CDH23: variants seen among roughly 807,000 people sequenced by gnomAD.
The protein encoded by CDH23 is cadherin-23.
In CDH23, 189 loss-of-function variants were observed where a neutral mutation model predicts 317.1. The observed-to-expected ratio is 0.60, with a 90% confidence interval of 0.53 to 0.67. The LOEUF (loss-of-function observed/expected upper bound fraction) is 0.67, where lower values mean the gene tolerates loss of function less well. CDH23 is among the 30% of genes least tolerant of loss of function. CDH23 has a pLI of 0.00. For synonymous variants in CDH23, 1,839 were observed against 1,876.8 expected (o/e 0.98, Z 0.52); for missense variants, 4,401 against 4,592.4 (o/e 0.96, Z 1.20).
chr10:71,415,082 A>G (rs1848481976), intron 1 of CDH23, among the ~76,000 whole-genome samples: 2 of 151,978 alleles, frequency 1.3e-5, no homozygotes, highest in Admixed American at 6.6e-5. Flanking sequence ...GGTAACTTGT[A>G]TCTTCTCTTT....
At chr10:71,472,447 T>TC (rs1851566356) in intron 3 of CDH23, among the ~76,000 whole-genome samples, 1 of 152,184 alleles carries the variant, frequency 6.6e-6, no homozygotes, top group South Asian at 2.1e-4. Flanking sequence ...CCACGTTAAA[T>TC]CCCCTCTCTT....
rs376497158 is a variant in CDH23, at chr10:71,810,507, G to T, written c.9015G>T (p.Ala3005=). The change falls in exon 62 of 70, where the codon GCG becomes GCT. Residue 3005 remains alanine, a synonymous_variant. Coordinates refer to ENST00000224721, the MANE Select transcript of CDH23 (RefSeq NM_022124.6). ...HVDKKGRVNF[A]QTELLIHVVN... is the part of the protein sequence containing the mutation. Reference sequence around the variant, plus strand: ...ACAAGAAGGGCCGGGTGAACTTTGCGCAGACAGAACTGCTTATCCACGTGG... The same window carrying T: ...ACAAGAAGGGCCGGGTGAACTTTGCTCAGACAGAACTGCTTATCCACGTGG... 4 of 1,613,988 alleles carry T rather than the reference G, an allele frequency of 2.5e-6. No homozygotes were observed. The East Asian group carries it at 8.9e-5, about 36-fold the overall frequency.
At chr10:71,725,302 A>G in intron 29 of CDH23, 70 bp from the exon 30 acceptor site, 1 of 1,607,212 alleles carries the variant, frequency 6.2e-7, no homozygotes, top group East Asian at 2.2e-5. Context: ...GCCCCCAACC[A>G]TGGCAGGCCA....
intron 41 of CDH23, among the ~76,000 whole-genome samples, chr10:71,783,594 C>A (rs1405232542): frequency 6.6e-6 from 1 of 152,226 alleles, no homozygotes; most frequent in Non-Finnish European, 1.5e-5. Context: ...AGACATCGGG[C>A]CCTGCAGCCC....
At chr10:71,647,460 CTCA>C (rs1862949316) in intron 14 of CDH23, among the ~76,000 whole-genome samples, 1 of 37,250 alleles carries the variant, frequency 2.7e-5, no homozygotes, top group African/African-American at 1.1e-4. Context: ...CAGATTCTGT[CTCA>C]AAAAAAAAAA....
At chr10:71,575,721 G>C (rs560582490) in intron 8 of CDH23, among the ~76,000 whole-genome samples, 2 of 152,174 alleles carry the variant, frequency 1.3e-5, no homozygotes, top group Non-Finnish European at 2.9e-5. Flanking sequence ...GGTCGGCTCC[G>C]GGCCGAGCAC....
At chr10:71,587,988 G>A (rs1487883990) in intron 9 of CDH23, among the ~76,000 whole-genome samples, 1 of 152,212 alleles carries the variant, frequency 6.6e-6, no homozygotes, top group Non-Finnish European at 1.5e-5. Flanking sequence ...ACACCCACAA[G>A]TCCACATTGC....
intron 38 of CDH23, among the ~76,000 whole-genome samples, chr10:71,775,698 G>C (rs1000646177): frequency 2.0e-5 from 3 of 151,996 alleles, no homozygotes; most frequent in Non-Finnish European, 2.9e-5. Flanking sequence ...AGAGCAGGAG[G>C]GGCTCCAAGG....
chr10:71,785,857 C>T (rs1290522548), intron 44 of CDH23, 119 bp downstream of exon 44: 4 of 720,638 alleles, frequency 5.6e-6, no homozygotes, highest in East Asian at 5.4e-5. Flanking sequence ...TTGGAGTGAG[C>T]ACGTGCTGGC....
rs780514498 is a variant in CDH23 at position 71,811,412 on chromosome 10, C to A, written c.9175C>A (p.Pro3059Thr). 23 of 1,613,978 alleles carry A rather than the reference C, an allele frequency of 1.4e-5. No individual in the cohort carries two copies. In the South Asian group the frequency reaches 2.5e-4, roughly 18 times the overall value. ...DVQPAISVRL[P>T]DDMSALQMAI... ...GCAGCCTGCCATCTCTGTCCGGCTG[C>A]CGGATGACATGTCTGCCCTGCAGGT... is the stretch of plus-strand genomic sequence containing the variant. The change falls in exon 63 of 70, where the codon CCG (proline) becomes ACG (threonine). Residue 3059 changes from proline to threonine, a missense_variant. By Grantham distance (38) the Pro-to-Thr change is conservative (BLOSUM62 -1). Around this residue, in one of 3 missense-constraint regions of CDH23, gnomAD observed 1,144 missense variants for 1,138.2 expected, o/e 1.01. Transcript: ENST00000224721.
chr10:71,753,139 C>A, intron 38 of CDH23: 4 of 982,872 alleles, frequency 4.1e-6, no homozygotes, highest in Non-Finnish European at 5.8e-6. Flanking sequence ...GACTCCATTT[C>A]TTTTCACATG....
intron 35 of CDH23, among the ~76,000 whole-genome samples, chr10:71,739,295 A>G (rs548779031): frequency 1.1e-4 from 17 of 152,224 alleles, no homozygotes; most frequent in African/African-American, 3.6e-4. Context: ...GTAAGAACCA[A>G]GTAGAGTCCA....
intron 38 of CDH23, among the ~76,000 whole-genome samples, chr10:71,764,312 A>T (rs1486363659): frequency 1.3e-5 from 2 of 152,200 alleles, no homozygotes; most frequent in Admixed American, 6.5e-5. Context: ...GAAGAAACTA[A>T]GGCACAGAGA....
At chr10:71,790,255 G>C (rs375725190) in intron 45 of CDH23, 33 bp from the exon 46 acceptor site, 11 of 1,611,276 alleles carry the variant, frequency 6.8e-6, no homozygotes, top group African/African-American at 5.3e-5. Flanking sequence ...GGGCTGGGTT[G>C]GTCTTGTGGT....
At chr10:71,441,113 C>T (rs1197464492) in intron 2 of CDH23, among the ~76,000 whole-genome samples, 4 of 152,142 alleles carry the variant, frequency 2.6e-5, no homozygotes, top group South Asian at 2.1e-4. Flanking sequence ...GAGCCTCAGG[C>T]GCTTTTTTAA....
intron 19 of CDH23, among the ~76,000 whole-genome samples, chr10:71,690,053 G>A (rs982177873): frequency 6.6e-6 from 1 of 152,186 alleles, no homozygotes; most frequent in Non-Finnish European, 1.5e-5. Flanking sequence ...TCCCCTGAAC[G>A]AGATAAAACT....
intron 11 of CDH23, among the ~76,000 whole-genome samples, chr10:71,618,395 G>A (rs990237877): frequency 6.6e-6 from 1 of 152,080 alleles, no homozygotes; most frequent in South Asian, 2.1e-4. Flanking sequence ...TCTATTCGGT[G>A]GGGCCAGGTC....
chr10:71,797,247 T>C (rs748413215), intron 49 of CDH23, 27 bp downstream of exon 49: 1 of 1,521,896 alleles, frequency 6.6e-7, no homozygotes, highest in East Asian at 2.3e-5. Flanking sequence ...ACATCTCTCA[T>C]TGGTCACTCA....
chr10:71,655,517 G>A (rs929663214), intron 14 of CDH23, among the ~76,000 whole-genome samples: 3 of 152,054 alleles, frequency 2.0e-5, no homozygotes, highest in African/African-American at 4.8e-5. Context: ...GTCACCTCTC[G>A]AGTTCCTCTG....
Sources: allele counts gnomAD v4.1 joint callset (sites outside exome capture counted in the v4.1 genomes callset), GRCh38; gene constraint gnomAD v4.1.1; regional missense constraint gnomAD v4.1.1; transcripts MANE v1.5; gene names NCBI Gene and HGNC (gene_info 2026-07-23, HGNC 2026-07-21).